BLACAT1: variants seen among roughly 807,000 people sequenced by gnomAD.
The protein encoded by BLACAT1 is BLACAT1 overlapping LEMD1 locus, also known as bladder cancer associated transcript 1.
chr1:205,453,540 C>G (rs1666523924), intron 1 of BLACAT1, among the ~76,000 whole-genome samples: 2 of 152,186 alleles, frequency 1.3e-5, no homozygotes, highest in South Asian at 4.1e-4. Context: ...CTGAGACTTC[C>G]CAGGCAAACA....
At chr1:205,452,199 C>A (rs953379615) in intron 1 of BLACAT1, among the ~76,000 whole-genome samples, 1 of 152,204 alleles carries the variant, frequency 6.6e-6, no homozygotes, top group Non-Finnish European at 1.5e-5. Context: ...GCCTGTTTCA[C>A]TGGGGAGCAG....
At chr1:205,453,135 G>A (rs1231235919) in intron 1 of BLACAT1, among the ~76,000 whole-genome samples, 1 of 152,162 alleles carries the variant, frequency 6.6e-6, no homozygotes, top group Non-Finnish European at 1.5e-5. Context: ...ATCTGATTCT[G>A]CTATCTGCCC....
At chr1:205,444,432 G>A (rs61824986) in intron 1 of BLACAT1, among the ~76,000 whole-genome samples, 10,569 of 152,032 alleles carry the variant, frequency 0.07, 490 homozygotes, top group Non-Finnish European at 0.11. Context: ...TAGAGCATCC[G>A]TCCTCCCCCA....
At chr1:205,455,776 A>G (rs1447474962) in intron 1 of BLACAT1, 141 bp downstream of exon 1, 4 of 152,112 alleles carry the variant, frequency 2.6e-5, no homozygotes, top group Non-Finnish European at 5.9e-5. Context: ...CATCCCGCCC[A>G]TGCCTTAGGG....
chr1:205,455,001 C>T (rs546490173), intron 1 of BLACAT1, among the ~76,000 whole-genome samples: 4 of 152,328 alleles, frequency 2.6e-5, no homozygotes, highest in Admixed American at 2.6e-4. Flanking sequence ...GAGGGCTCTC[C>T]CTTGGGCCCC....
At chr1:205,442,237 G>C (rs998261056) in intron 1 of BLACAT1, among the ~76,000 whole-genome samples, 12 of 152,286 alleles carry the variant, frequency 7.9e-5, no homozygotes, top group Admixed American at 7.2e-4. Flanking sequence ...CAAGTGCTGC[G>C]GGGAAGGAGG....
chr1:205,444,955 G>A (rs1394351423), intron 1 of BLACAT1, among the ~76,000 whole-genome samples: 2 of 150,260 alleles, frequency 1.3e-5, no homozygotes, highest in East Asian at 2.0e-4. Context: ...TGCCCTCGAC[G>A]CCTCTAGAAC....
In BLACAT1 at chr1:205,450,205, T is replaced by G. The variant is rs1289677634; in HGVS notation, c.-37+5712A>C. ...AAAGGTCTCATTGAGCCTCTGGCTGTCTGGTCGGTGAAGCACAAACCTCTT... is the reference window on the plus strand; with the variant it reads ...AAAGGTCTCATTGAGCCTCTGGCTGGCTGGTCGGTGAAGCACAAACCTCTT... On this transcript the variant is annotated intron_variant, in intron 1 of 1. Coordinates refer to ENST00000629624, the Ensembl canonical transcript of BLACAT1. This position sits in a 1 kb window ranked among gnomAD's most constrained non-coding sequence, Gnocchi z 4.4. Among the ~76,000 whole-genome samples the G allele has an allele frequency of 6.6e-6, 1 of 152,014 alleles. No homozygotes were observed. The highest frequency in any genetic ancestry group is 1.5e-5 in the Non-Finnish European group (1 of 67,990).
chr1:205,447,426 C>T (rs1213818086), intron 1 of BLACAT1, among the ~76,000 whole-genome samples: 2 of 152,112 alleles, frequency 1.3e-5, no homozygotes, highest in African/African-American at 4.8e-5. Context: ...AAATCTAGTG[C>T]TTTCTGTGAT....
intron 1 of BLACAT1, among the ~76,000 whole-genome samples, chr1:205,452,071 G>A (rs1666505592): frequency 6.6e-6 from 1 of 152,350 alleles, no homozygotes; most frequent in East Asian, 1.9e-4. Context: ...CTGGGGAGAA[G>A]AGACCTCAGG....
intron 1 of BLACAT1, among the ~76,000 whole-genome samples, chr1:205,453,165 G>A (rs548212460): frequency 2.0e-5 from 3 of 152,288 alleles, no homozygotes; most frequent in South Asian, 2.1e-4. Context: ...CTGCAGATTC[G>A]GAGTTGTGGT....
intron 1 of BLACAT1, among the ~76,000 whole-genome samples, chr1:205,443,482 C>G (rs529022115): frequency 1.3e-5 from 2 of 152,242 alleles, no homozygotes; most frequent in African/African-American, 4.8e-5. Flanking sequence ...GAACCAGAAC[C>G]TACACATCAG....
At chr1:205,442,639 G>A (rs1666313704) in intron 1 of BLACAT1, among the ~76,000 whole-genome samples, 1 of 152,210 alleles carries the variant, frequency 6.6e-6, no homozygotes, top group Non-Finnish European at 1.5e-5. Flanking sequence ...TGGATGGGCA[G>A]GAGGCCCAGC....
chr1:205,453,599 C>T (rs755745785), intron 1 of BLACAT1, among the ~76,000 whole-genome samples: 1 of 152,114 alleles, frequency 6.6e-6, no homozygotes, highest in African/African-American at 2.4e-5. Flanking sequence ...AAGGGAGAGA[C>T]GGGAGACCTG....
chr1:205,453,997 G>A (rs1167173935), intron 1 of BLACAT1, among the ~76,000 whole-genome samples: 1 of 152,214 alleles, frequency 6.6e-6, no homozygotes, highest in Non-Finnish European at 1.5e-5. Context: ...CCCATGGGGT[G>A]ATGGTGCCCC....
intron 1 of BLACAT1, among the ~76,000 whole-genome samples, chr1:205,444,759 G>C (rs1003949925): frequency 6.6e-6 from 1 of 152,126 alleles, no homozygotes; most frequent in African/African-American, 2.4e-5. Context: ...CTATTTAAAA[G>C]TGCTGGGGCA....
At chr1:205,436,298 C>T (rs1030488533), downstream of BLACAT1, 1 of 152,192 alleles carries the variant, frequency 6.6e-6, no homozygotes, top group Non-Finnish European at 1.5e-5. Flanking sequence ...GCAATTTCTT[C>T]CTCAGTATGA....
chr1:205,451,728 G>A (rs1252114971), intron 1 of BLACAT1, among the ~76,000 whole-genome samples: 3 of 152,184 alleles, frequency 2.0e-5, no homozygotes, highest in East Asian at 3.8e-4. Context: ...GAGAAAAAAG[G>A]CGAGAAGGGG....
downstream of BLACAT1, chr1:205,436,384 C>T (rs537829431): frequency 6.6e-5 from 10 of 152,320 alleles, no homozygotes; most frequent in East Asian, 1.9e-4. Flanking sequence ...TGGGCTCCTC[C>T]GTGAAGAGTC....
Sources: gnomAD v4.1 joint callset for allele counts (sites outside exome capture counted in the v4.1 genomes callset) on GRCh38, gnomAD v4.1.1 for gene constraint, Gnocchi (gnomAD v3.1) non-coding constraint, MANE v1.5 for transcripts, NCBI Gene and HGNC (gene_info 2026-07-23, HGNC 2026-07-21) for gene names.